Variants in DBF4B observed in about 807,000 individuals in gnomAD.
DBF4B encodes the protein DBF4B-CDC7 kinase regulatory subunit.
DBF4B carries 49 observed loss-of-function variants against 53.4 expected under a neutral mutation model. The observed-to-expected ratio is 0.92, with a 90% confidence interval of 0.73 to 1.16. DBF4B has a LOEUF of 1.16. Ranked by LOEUF, DBF4B falls within the 50% of genes most tolerant of loss-of-function variation. The probability of loss-of-function intolerance (pLI) is 0.00; values close to 1 mark genes in which losing one functional copy is unlikely to be tolerated. For missense variants in DBF4B, 692 were observed against 775.0 expected (o/e 0.89, Z 1.27); for synonymous variants, 257 against 288.7 (o/e 0.89, Z 1.11).
At chr17:44,726,865 G>A (rs1014611519) in intron 3 of DBF4B, among the ~76,000 whole-genome samples, 3 of 152,242 alleles carry the variant, frequency 2.0e-5, no homozygotes, top group African/African-American at 4.8e-5. Flanking sequence ...TTGGGAGGCC[G>A]AGGCGGGCGG....
At chr17:44,729,760 A>T in intron 3 of DBF4B, 145 bp from the exon 4 acceptor site, 1 of 761,402 alleles carries the variant, frequency 1.3e-6, no homozygotes, top group South Asian at 1.9e-5. Context: ...TCTTCTTAGG[A>T]ACTTGGTATG....
intron 9 of DBF4B, among the ~76,000 whole-genome samples, chr17:44,740,185 A>G (rs1975861409): frequency 6.6e-6 from 1 of 152,212 alleles, no homozygotes; most frequent in Non-Finnish European, 1.5e-5. Flanking sequence ...TGAAGAAGAA[A>G]GAAACATGCC....
intron 10 of DBF4B, 91 bp downstream of exon 10, chr17:44,741,543 A>G (rs1309037754): frequency 8.6e-6 from 7 of 817,120 alleles, no homozygotes; most frequent in Non-Finnish European, 1.4e-5. Flanking sequence ...GGGAATGGCC[A>G]TGTGTTTGCT....
At chr17:44,733,371 T>TC (rs1176337171) in intron 6 of DBF4B, among the ~76,000 whole-genome samples, 1 of 152,200 alleles carries the variant, frequency 6.6e-6, no homozygotes, top group African/African-American at 2.4e-5. Flanking sequence ...AATTTTGTGC[T>TC]CCTTCTTTTT....
rs1205949465 is a variant in DBF4B, at chr17:44,717,025, GGA to G, written c.83-5848_83-5847del. ...TTTTTCTGTCACTTTAGTGAGATTT[GGA>G]GAGAGAACAGAAGTTCTTGTATTCA... On this transcript the variant is annotated intron_variant, in intron 2 of 13. Transcript: ENST00000315005. Among the ~76,000 whole-genome samples the G allele has an allele frequency of 3.3e-5, 5 of 151,994 alleles. 1 individual carries two copies. Among genetic ancestry groups the G allele is most frequent in the Non-Finnish European group, 7.4e-5 (5 of 67,996 alleles).
Position 44,738,374 on chromosome 17 carries a change from T to C in DBF4B, c.668-5T>C, listed in dbSNP as rs1415846811. ...TAGCTGATGTGTGCATTCTTCCCCT[T>C]TCAGTGGCCAGACTGAAGGCCCCGT... On this transcript the variant is annotated splice_polypyrimidine_tract_variant and splice_region_variant and intron_variant, in intron 8 of 13. Coordinates refer to ENST00000315005, the MANE Select transcript of DBF4B (RefSeq NM_145663.3). The C allele has an allele frequency of 3.7e-6, 6 of 1,613,416 alleles. No homozygotes were observed. Among genetic ancestry groups the C allele is most frequent in the Middle Eastern group, 1.7e-4 (1 of 6,056 alleles).
chr17:44,730,102 A>T lies in DBF4B; in HGVS notation c.417+6A>T. 1 of 1,612,032 alleles carries T rather than the reference A, an allele frequency of 6.2e-7. No individual in the cohort carries two copies. The highest frequency in any genetic ancestry group is 8.5e-7 in the Non-Finnish European group (1 of 1,179,834). ...CACGGAAACCCGTTGACTCGGTAAG[A>T]ACCTCATGTAGGAAAGGTATGCTGT... On this transcript the variant is annotated splice_donor_region_variant and intron_variant, in intron 4 of 13. Coordinates refer to ENST00000315005, the MANE Select transcript of DBF4B (RefSeq NM_145663.3).
intron 10 of DBF4B, among the ~76,000 whole-genome samples, chr17:44,744,094 C>CG (rs1170249928): frequency 1.5e-5 from 1 of 67,052 alleles, no homozygotes; most frequent in Non-Finnish European, 3.2e-5. Context: ...CCCCCCCCCC[C>CG]CCGCCCATCT....
At chr17:44,708,991 TGAGGGGACC>T in intron 1 of DBF4B, 152 bp downstream of exon 1, 2 of 1,081,394 alleles carry the variant, frequency 1.8e-6, no homozygotes, top group Non-Finnish European at 1.3e-6. Context: ...CCACAGGAGT[TGAGGGGACC>T]GAGGAATGAA....
intron 2 of DBF4B, among the ~76,000 whole-genome samples, chr17:44,721,600 C>A (rs943363240): frequency 6.6e-6 from 1 of 152,026 alleles, no homozygotes; most frequent in Non-Finnish European, 1.5e-5. Flanking sequence ...TATTATACTT[C>A]AATGGTTTTT....
chr17:44,711,670 C>T (rs1050710032), intron 2 of DBF4B, among the ~76,000 whole-genome samples: 3 of 152,002 alleles, frequency 2.0e-5, no homozygotes, highest in African/African-American at 4.8e-5. Flanking sequence ...AAAACAGAGC[C>T]GGGCGTGGTA....
chr17:44,717,181 A>G (rs1412039062), intron 2 of DBF4B, among the ~76,000 whole-genome samples: 1 of 151,992 alleles, frequency 6.6e-6, no homozygotes, highest in Non-Finnish European at 1.5e-5. Context: ...CATTTCTTAA[A>G]TTCTCTGATG....
At position 44,738,560 on chromosome 17, in the gene DBF4B, G is replaced by A. The variant is rs199731072; in HGVS notation, c.713+136G>A. The A allele has an allele frequency of 1.2e-5, 10 of 853,402 alleles. No individual in the cohort carries two copies. The East Asian group carries it at 2.6e-4, about 22-fold the overall frequency. The allele number at this position is 853,402 out of a possible 1,614,324, so 52.9% of individuals were successfully genotyped here. On this transcript the variant is annotated intron_variant, in intron 9 of 13. Coordinates refer to ENST00000315005, the MANE Select transcript of DBF4B (RefSeq NM_145663.3). The stretch of plus-strand genomic sequence containing the variant: ...CCCTGCACCTTCATCTTCCTGAGAA[G>A]CCACTTTCTCCCATTGTCATGGAGA...
chr17:44,747,248 A>G (rs2049127978), intron 11 of DBF4B, 57 bp downstream of exon 11: 1 of 1,601,454 alleles, frequency 6.2e-7, no homozygotes, highest in Admixed American at 1.7e-5. Context: ...GAGCCTGCTC[A>G]CTGGGGATGA....
chr17:44,727,098 C>CAAA (rs60326279), intron 3 of DBF4B, among the ~76,000 whole-genome samples: 2 of 49,514 alleles, frequency 4.0e-5, no homozygotes, highest in African/African-American at 1.6e-4. Context: ...GACTCCATCT[C>CAAA]AAAAAAAAAA....
intron 13 of DBF4B, chr17:44,748,785 C>T: frequency 1.5e-6 from 2 of 1,313,132 alleles, no homozygotes; most frequent in Non-Finnish European, 2.0e-6. Flanking sequence ...TCCCAATAGC[C>T]CCCAACCCCT....
intron 2 of DBF4B, among the ~76,000 whole-genome samples, chr17:44,721,576 T>G (rs987564968): frequency 6.6e-6 from 1 of 152,252 alleles, no homozygotes; most frequent in Non-Finnish European, 1.5e-5. Context: ...CTCCCTAGCC[T>G]TTTTGAGGAT....
chr17:44,727,876 T>C (rs1300956647), intron 3 of DBF4B, among the ~76,000 whole-genome samples: 3 of 147,482 alleles, frequency 2.0e-5, no homozygotes, highest in African/African-American at 2.5e-5. Flanking sequence ...TTTTTTTTTT[T>C]TTTTTTTTTT....
intron 13 of DBF4B, 40 bp downstream of exon 13, chr17:44,748,505 C>T (rs750896057): frequency 3.7e-6 from 6 of 1,612,532 alleles, no homozygotes; most frequent in Non-Finnish European, 5.1e-6. Flanking sequence ...AGCACGCAGG[C>T]ACCAGCTGAA....
Sources: gnomAD v4.1 joint callset for allele counts (sites outside exome capture counted in the v4.1 genomes callset) on GRCh38, gnomAD v4.1.1 for gene constraint, MANE v1.5 for transcripts, NCBI Gene and HGNC (gene_info 2026-07-23, HGNC 2026-07-21) for gene names.